Variants in BIRC6 observed in about 807,000 individuals in gnomAD.
The protein encoded by BIRC6 is baculoviral IAP repeat containing 6.
In BIRC6, 98 loss-of-function variants were observed where a neutral mutation model predicts 503.3. The observed-to-expected ratio is 0.19, with a 90% CI of 0.17 to 0.23. BIRC6 has a LOEUF of 0.23. Ranked by LOEUF, BIRC6 falls within the 10% of genes least tolerant of loss-of-function variation. The pLI is 1.00. For synonymous variants in BIRC6, 2,240 were observed against 2,078.7 expected, an observed-to-expected ratio of 1.08 and a Z score of -2.11; for missense variants, 5,360 against 5,806.0, an observed-to-expected ratio of 0.92 and a Z score of 2.50.
chr2:32,602,095 T>A (rs748997321), intron 70 of BIRC6, among the ~76,000 whole-genome samples: 10 of 152,212 alleles, frequency 6.6e-5, no homozygotes, highest in African/African-American at 9.6e-5. Context: ...ATTGAATATA[T>A]ATCCAAGGGA....
rs755233429 is a variant in BIRC6, at chr2:32,469,418, C to G, written c.6151C>G (p.Gln2051Glu). The part of the protein sequence containing the change: ...SNGHSVPAVL[Q>E]STFHAQACEE... The stretch of plus-strand genomic sequence containing the variant: ...AGGACACTCTGTTCCTGCAGTTTTG[C>G]AGAGCACATTTCATGCCCAGGCCTG... The change falls in exon 30 of 74, where the codon CAG (glutamine) becomes GAG (glutamate). Residue 2051 changes from glutamine (Q) to glutamate (E), a missense_variant. Gln to Glu is a conservative substitution (Grantham distance 29). Around this residue, in one of 16 missense-constraint regions of BIRC6, gnomAD observed 2,299 missense variants for 2,267.2 expected, o/e 1.01. Transcript: ENST00000421745. 5.0e-6 allele frequency: 8 copies of G among 1,613,372 alleles called. No individual in the cohort carries two copies. The East Asian group carries it at 1.8e-4, about 36-fold the overall frequency.
chr2:32,463,108 C>G lies in BIRC6; in HGVS notation c.4754-86C>G, dbSNP rs548279034. 7.8e-4 allele frequency: 900 copies of G among 1,152,840 alleles called. 2 individuals carry two copies. The highest frequency in any genetic ancestry group is 1.0e-3 in the Non-Finnish European group (851 of 838,614). The allele number at this position is 1,152,840 out of a possible 1,614,324, so 71.4% of individuals were successfully genotyped here. On this transcript the variant is annotated intron_variant, in intron 23 of 73. Transcript: ENST00000421745. ...CTATAGTTTTAGCATCATAATAGTG[C>G]CAAAATATTTGAACATGTTTTGTCT... is the stretch of plus-strand genomic sequence containing the variant.
rs139885638 is a variant in BIRC6, at chr2:32,532,640, A to G, written c.12291+1089A>G. ...CTTGAACATATCTTGGGAGGACAAA[A>G]TGCAACACACAATAATACTTATTCA... On this transcript the variant is annotated intron_variant, in intron 61 of 73. Coordinates refer to ENST00000421745, the MANE Select transcript of BIRC6 (RefSeq NM_016252.4). Among the ~76,000 whole-genome samples the G allele has an allele frequency of 8.5e-3, 1,297 of 152,268 alleles. 9 individuals carry two copies. Among genetic ancestry groups the G allele is most frequent in the Middle Eastern group, 0.02 (6 of 294 alleles).
chr2:32,475,009 A>G (rs2049571642), intron 33 of BIRC6, among the ~76,000 whole-genome samples: 1 of 151,986 alleles, frequency 6.6e-6, no homozygotes, highest in African/African-American at 2.4e-5. Flanking sequence ...CAGGAGTTCA[A>G]GACCGGCCTG....
chr2:32,513,986 G>A (rs1270543887), intron 54 of BIRC6, among the ~76,000 whole-genome samples: 2 of 108,796 alleles, frequency 1.8e-5, no homozygotes, highest in Non-Finnish European at 3.7e-5. Context: ...CGCAAGAATT[G>A]TTTGAGTCTG....
chr2:32,444,031 G>GTTTTTTTTTTTTATTTTTTTT (rs2045704705), intron 20 of BIRC6, among the ~76,000 whole-genome samples: 1 of 136,884 alleles, frequency 7.3e-6, no homozygotes, highest in African/African-American at 2.8e-5. Context: ...GGGACCAGTG[G>GTTTTTTTTTTTTATTTTTTTT]TTTTTTTTTT....
At chr2:32,510,041 A>C in intron 52 of BIRC6, 47 bp downstream of exon 52, 1 of 1,594,736 alleles carries the variant, frequency 6.3e-7, no homozygotes, top group Non-Finnish European at 8.5e-7. Flanking sequence ...CTGTAAAGTA[A>C]CAGCAGTTGA....
chr2:32,374,586 C>G (rs373771861), intron 1 of BIRC6, among the ~76,000 whole-genome samples: 2 of 151,728 alleles, frequency 1.3e-5, no homozygotes, highest in East Asian at 1.9e-4. Context: ...CATTCTCCTG[C>G]CTCAGCCTCC....
At chr2:32,369,696 G>A (rs2035498755) in intron 1 of BIRC6, among the ~76,000 whole-genome samples, 1 of 151,622 alleles carries the variant, frequency 6.6e-6, no homozygotes, top group South Asian at 2.1e-4. Context: ...CCAAAGTGCT[G>A]GGATTACGGG....
At position 32,433,770 on chromosome 2, in the gene BIRC6, G is replaced by A; in HGVS notation, c.3375G>A (p.Leu1125=). ...TNIPQIQVTL[L]KNKAPGLGKV... ...TTCCACAGATACAAGTGACACTGCT[G>A]AAAAATAAAGCTCCAGGATTAGGGA... The change falls in exon 13 of 74, where the codon CTG becomes CTA. Residue 1125 remains leucine (L), a synonymous_variant. Coordinates refer to ENST00000421745, the MANE Select transcript of BIRC6 (RefSeq NM_016252.4). The A allele has an allele frequency of 6.3e-7, 1 of 1,584,540 alleles. No homozygotes were observed. The highest frequency in any genetic ancestry group is 8.6e-7 in the Non-Finnish European group (1 of 1,158,430).
chr2:32,377,342 T>C (rs2036957562), intron 1 of BIRC6, among the ~76,000 whole-genome samples: 2 of 151,986 alleles, frequency 1.3e-5, no homozygotes, highest in Admixed American at 6.6e-5. Context: ...CTCAGAACAA[T>C]GATGTTCTTT....
chr2:32,546,572 C>A (rs1205284591), intron 63 of BIRC6, among the ~76,000 whole-genome samples: 1 of 151,032 alleles, frequency 6.6e-6, no homozygotes, highest in Admixed American at 6.6e-5. Context: ...AAGAGTGAAA[C>A]TGTGTCTCAA....
intron 61 of BIRC6, among the ~76,000 whole-genome samples, chr2:32,535,431 C>G (rs965639785): frequency 6.6e-6 from 1 of 152,104 alleles, no homozygotes; most frequent in African/African-American, 2.4e-5. Context: ...TTAGGTATGT[C>G]TCCTAATGCT....
At chr2:32,421,236 A>G (rs1182369375) in intron 10 of BIRC6, among the ~76,000 whole-genome samples, 1 of 151,168 alleles carries the variant, frequency 6.6e-6, no homozygotes. Context: ...CCTCCCGAGT[A>G]GCTGGGACTA....
chr2:32,561,734 TATA>T (rs2059202656), intron 65 of BIRC6, among the ~76,000 whole-genome samples: 1 of 143,506 alleles, frequency 7.0e-6, no homozygotes, highest in African/African-American at 2.6e-5. Flanking sequence ...TATATATATA[TATA>T]TATTTATTTA....
intron 37 of BIRC6, 81 bp from the exon 38 acceptor site, chr2:32,481,210 TAGGCATATGTAACATGCAAGTAAAATAAC>T: frequency 1.1e-6 from 1 of 914,702 alleles, no homozygotes; most frequent in Non-Finnish European, 1.6e-6. Context: ...TTTTTTTTTT[TAGGCATATGTAACATGCAAGTAAAATAAC>T]TTTTTTTAAC....
rs201559560 is a variant in BIRC6 at position 32,471,101 on chromosome 2, C to T, written c.6569C>T (p.Ala2190Val). The change falls in exon 32 of 74, where the codon GCA becomes GTA. Residue 2190 changes from alanine (A) to valine (V), a missense_variant. Ala to Val is a moderately conservative substitution (Grantham distance 64, BLOSUM62 0). This residue lies in a region of BIRC6 where 2,299 missense variants were observed against 2,267.2 expected (regional missense o/e 1.01). Coordinates refer to ENST00000421745, the MANE Select transcript of BIRC6 (RefSeq NM_016252.4). Reference protein sequence around the residue: ...DYVATVEDEAAAAKKPLNGNQ... With the variant: ...DYVATVEDEAVAAKKPLNGNQ... The stretch of plus-strand genomic sequence containing the variant: ...GTGGCAACTGTTGAAGATGAAGCAG[C>T]AGCTGCAAAGAAACCTTTGAATGGT... 7.0e-6 allele frequency: 11 copies of T among 1,575,862 alleles called. No homozygotes were observed. In the East Asian group the frequency reaches 2.3e-4, roughly 33 times the overall value.
chr2:32,376,968 T>G (rs1419403190), intron 1 of BIRC6, among the ~76,000 whole-genome samples: 4 of 152,160 alleles, frequency 2.6e-5, no homozygotes, highest in Admixed American at 2.6e-4. Flanking sequence ...AAAGTGAAAC[T>G]GCAGATAAGG....
At chr2:32,465,728 A>C (rs768904945) in intron 26 of BIRC6, among the ~76,000 whole-genome samples, 67 of 152,200 alleles carry the variant, frequency 4.4e-4, no homozygotes, top group Non-Finnish European at 8.2e-4. Context: ...ACTACCACCA[A>C]CATTTTTGTG....
Sources: allele counts gnomAD v4.1 joint callset (sites outside exome capture counted in the v4.1 genomes callset), GRCh38; gene constraint gnomAD v4.1.1; regional missense constraint gnomAD v4.1.1; transcripts MANE v1.5; gene names NCBI Gene and HGNC (gene_info 2026-07-23, HGNC 2026-07-21).